ZFP62: variants seen among roughly 807,000 people sequenced by gnomAD.
ZFP62 encodes the protein ZFP62 zinc finger protein.
Under a neutral mutation model 56.4 loss-of-function variants are expected in ZFP62, and 44 were observed. The ratio of observed to expected loss-of-function variants is 0.78; its 90% confidence interval spans 0.61 to 1.00. The LOEUF (loss-of-function observed/expected upper bound fraction) is 1.00. Among genes scored for constraint, ZFP62 ranks in the 50% least tolerant of loss-of-function variants. The probability of loss-of-function intolerance (pLI) is 0.00; values close to 1 mark genes in which losing one functional copy is unlikely to be tolerated. For missense variants in ZFP62, 1,030 were observed against 1,085.7 expected, an observed-to-expected ratio of 0.95 and a Z score of 0.72; for synonymous variants, 421 against 388.9, an observed-to-expected ratio of 1.08 and a Z score of -0.97.
At chr5:180,854,595 A>AATACAAGAG (rs1252584121) in intron 1 of ZFP62, among the ~76,000 whole-genome samples, 18 of 152,328 alleles carry the variant, frequency 1.2e-4, no homozygotes, top group African/African-American at 4.1e-4. Flanking sequence ...AAGGGGGAAA[A>AATACAAGAG]ATACAAGAGT....
intron 1 of ZFP62, 53 bp downstream of exon 1, chr5:180,861,166 C>A (rs1023219527): frequency 1.0e-5 from 4 of 398,496 alleles, no homozygotes; most frequent in Admixed American, 4.4e-5. Context: ...AAGGGGAGGG[C>A]GTGGCAGGCA....
chr5:180,842,992 G>A (rs1219340355), downstream of ZFP62, among the ~76,000 whole-genome samples: 7 of 148,526 alleles, frequency 4.7e-5, no homozygotes, highest in South Asian at 2.1e-4. Flanking sequence ...GCAGTGAGCC[G>A]AGATTTTGCC....
chr5:180,845,738 C>T (rs1773398093), downstream of ZFP62: 1 of 985,290 alleles, frequency 1.0e-6, no homozygotes, highest in Admixed American at 6.2e-5. Flanking sequence ...CTTCAGGTCC[C>T]CAATGTCTGC....
At chr5:180,829,067 A>T in the ZFP62 span, among the ~76,000 whole-genome samples, 1 of 152,204 alleles carries the variant, frequency 6.6e-6, no homozygotes, top group South Asian at 2.1e-4. Context: ...CTCTGCTCTT[A>T]GACCCTGTTT....
rs1773463942 is a variant in ZFP62 at position 180,847,766 on chromosome 5, C to A, written c.*1026G>T. On this transcript the variant is annotated 3_prime_UTR_variant, in exon 2 of 2. Coordinates refer to ENST00000502412, the MANE Select transcript of ZFP62 (RefSeq NM_001172638.2). ...GTCCTGCATGACATCTTTACAATAA[C>A]ACATTCCAAAAACAATCAAACATTT... 2 of 985,314 alleles carry A rather than the reference C, an allele frequency of 2.0e-6. No individual in the cohort carries two copies. The highest frequency in any genetic ancestry group is 6.1e-5 in the Admixed American group (1 of 16,270). The allele number at this position is 985,314 out of a possible 1,614,324, so 61.0% of individuals were successfully genotyped here. A position where few individuals can be genotyped will look rare whatever the true frequency, so the allele number is the denominator to read the frequency against.
At position 180,850,479 on chromosome 5, in the gene ZFP62, C is replaced by T; in HGVS notation, c.1016G>A (p.Cys339Tyr). The stretch of plus-strand genomic sequence containing the variant: ...ATTAAAAGATTTCTCACACTCATCA[C>T]ATTTATAGGGTTTATCTCCAAAGTG... The part of the protein sequence containing the change: ...SIHFGDKPYK[C>Y]DECEKSFNYS... The change falls in exon 2 of 2, where the codon TGT becomes TAT. Residue 339 changes from cysteine (C) to tyrosine (Y), a missense_variant. By Grantham distance (194) the Cys-to-Tyr change is radical. Transcript: ENST00000502412. 7 of 1,552,540 alleles carry T rather than the reference C, an allele frequency of 4.5e-6. No homozygotes were observed. Among genetic ancestry groups the T allele is most frequent in the Non-Finnish European group, 6.1e-6 (7 of 1,147,422 alleles).
At position 180,851,141 on chromosome 5, in the gene ZFP62, A is replaced by G. The variant is rs1773684977; in HGVS notation, c.354T>C (p.Arg118=). The G allele has an allele frequency of 6.4e-7, 1 of 1,551,712 alleles. No individual in the cohort carries two copies. Among genetic ancestry groups the G allele is most frequent in the African/African-American group, 1.4e-5 (1 of 73,172 alleles). ...AGGAGGTTCCATTAATGTTCTCCAC[A>G]CGTTTGCCTTGCTCACTGCCTCTCT... is the stretch of plus-strand genomic sequence containing the variant. The part of the protein sequence containing the change: ...IGQRGSEQGK[R]VENINGTSYP... The change falls in exon 2 of 2, where the codon CGT becomes CGC. Residue 118 remains arginine (R), a synonymous_variant. Coordinates refer to ENST00000502412, the MANE Select transcript of ZFP62 (RefSeq NM_001172638.2).
the ZFP62 span, chr5:180,834,270 G>A: frequency 6.6e-6 from 1 of 152,248 alleles, no homozygotes; most frequent in Non-Finnish European, 1.5e-5. Context: ...ACTTATTTAT[G>A]TATTGACTGA....
chr5:180,829,647 A>G, the ZFP62 span, among the ~76,000 whole-genome samples: 2 of 152,264 alleles, frequency 1.3e-5, no homozygotes, highest in Non-Finnish European at 2.9e-5. Flanking sequence ...TATCTGAAAA[A>G]TAAGTTTCTC....
the ZFP62 span, among the ~76,000 whole-genome samples, chr5:180,827,350 T>C: frequency 3.3e-5 from 5 of 152,218 alleles, no homozygotes; most frequent in African/African-American, 1.2e-4. Flanking sequence ...TTCTGTTCTG[T>C]ACTAAGAAAA....
intron 1 of ZFP62, chr5:180,851,964 A>G (rs1773733949): frequency 1.0e-6 from 1 of 968,782 alleles, no homozygotes; most frequent in Admixed American, 6.0e-5. Context: ...AGGACAGACA[A>G]AACTAAAGAG....
downstream of ZFP62, among the ~76,000 whole-genome samples, chr5:180,842,931 T>C (rs1773344189): frequency 6.6e-6 from 1 of 151,638 alleles, no homozygotes; most frequent in South Asian, 2.1e-4. Flanking sequence ...TAGTCCCAGC[T>C]ACTGGGGAGG....
At position 180,850,733 on chromosome 5, in the gene ZFP62, T is replaced by C; in HGVS notation, c.762A>G (p.Glu254=). ...KRIHTGEKPY[E]CGECGKAFRN... ...TGAAGGCCTTCCCACACTCACCACA[T>C]TCATAGGGCTTCTCCCCAGTGTGGA... is the stretch of plus-strand genomic sequence containing the variant. Residue 254 remains glutamate, a synonymous_variant, in exon 2 of 2, where the codon GAA becomes GAG. Transcript: ENST00000502412. The C allele has an allele frequency of 6.2e-7, 1 of 1,606,982 alleles. No homozygotes were observed. Among genetic ancestry groups the C allele is most frequent in the Non-Finnish European group, 8.5e-7 (1 of 1,176,502 alleles).
intron 1 of ZFP62, among the ~76,000 whole-genome samples, chr5:180,855,741 C>T (rs753063002): frequency 6.6e-6 from 1 of 152,190 alleles, no homozygotes; most frequent in Non-Finnish European, 1.5e-5. Context: ...AAGCTCCCAC[C>T]CCATCCCCCA....
chr5:180,846,982 C>T (rs143522007), downstream of ZFP62, among the ~76,000 whole-genome samples: 656 of 152,312 alleles, frequency 4.3e-3, 3 homozygotes, highest in Middle Eastern at 0.034. Context: ...CCCTTTCCTC[C>T]CTCAACTCCA....
the ZFP62 span, among the ~76,000 whole-genome samples, chr5:180,837,554 C>G: frequency 6.6e-6 from 1 of 152,108 alleles, no homozygotes; most frequent in African/African-American, 2.4e-5. Context: ...GCTCCTAATC[C>G]CTGAGTTAAC....
chr5:180,855,072 C>T (rs1031632044), intron 1 of ZFP62, among the ~76,000 whole-genome samples: 7 of 152,154 alleles, frequency 4.6e-5, no homozygotes, highest in Admixed American at 1.3e-4. Context: ...AGGAAATATA[C>T]GCTGAAGTAT....
In ZFP62 at chr5:180,851,207, C is replaced by G. The variant is rs757752723; in HGVS notation, c.288G>C (p.Leu96=). ...TCTGGTGTGTGATATGCTGTGGGCT[C>G]AGATGCAAGCTCTTCTCAGATGCCT... The part of the protein sequence containing the change: ...EGEASEKSLH[L]SPQHITHQTM... Residue 96 remains leucine, a synonymous_variant, in exon 2 of 2, where the codon CTG becomes CTC. Transcript: ENST00000502412. 1.3e-6 allele frequency: 2 copies of G among 1,551,586 alleles called. No individual in the cohort carries two copies. The highest frequency in any genetic ancestry group is 2.7e-5 in the African/African-American group (2 of 73,048).
In ZFP62 at chr5:180,850,390, C is replaced by G; in HGVS notation, c.1105G>C (p.Glu369Gln). 6.4e-7 allele frequency: 1 copy of G among 1,562,018 alleles called. No homozygotes were observed. Among genetic ancestry groups the G allele is most frequent in the South Asian group, 1.2e-5 (1 of 84,772 alleles). Reference protein sequence around the residue: ...HTGEKPYECDECGKAFRNSSG... With the variant: ...HTGEKPYECDQCGKAFRNSSG... ...CTGTTCCTGAAAGCCTTCCCACATT[C>G]ATCACATTCATAAGGTTTCTCTCCA... The change falls in exon 2 of 2, where the codon GAA (glutamate) becomes CAA (glutamine). Residue 369 changes from glutamate to glutamine, a missense_variant. Coordinates refer to ENST00000502412, the MANE Select transcript of ZFP62 (RefSeq NM_001172638.2).
Sources: allele counts gnomAD v4.1 joint callset (sites outside exome capture counted in the v4.1 genomes callset), GRCh38; gene constraint gnomAD v4.1.1; transcripts MANE v1.5; gene names NCBI Gene and HGNC (gene_info 2026-07-23, HGNC 2026-07-21).